Variants in CDH2 observed in about 807,000 individuals in gnomAD.
CDH2 encodes cadherin-2.
A neutral mutation model predicts 92.0 loss-of-function variants in CDH2; 17 were observed. The ratio of observed to expected loss-of-function variants is 0.18; its 90% CI spans 0.13 to 0.28. The LOEUF is 0.28. CDH2 is among the 10% of genes least tolerant of loss of function. CDH2 has a pLI of 1.00. For missense variants in CDH2, 862 were observed against 1,133.1 expected (o/e 0.76, Z 3.44); for synonymous variants, 419 against 415.9 (o/e 1.01, Z -0.09).
At chr18:28,115,876 C>A (rs1228774926) in intron 2 of CDH2, among the ~76,000 whole-genome samples, 1 of 152,094 alleles carries the variant, frequency 6.6e-6, no homozygotes, top group African/African-American at 2.4e-5. Context: ...GAAGTTTTTA[C>A]ACTGCATTTT....
chr18:28,162,640 G>A (rs1300639834), intron 1 of CDH2, among the ~76,000 whole-genome samples: 1 of 152,156 alleles, frequency 6.6e-6, no homozygotes, highest in Non-Finnish European at 1.5e-5. Context: ...TCCTCCTTTA[G>A]GCAACAATCC....
rs756228954 is a variant in CDH2 at position 28,151,477 on chromosome 18, A to T, written c.61-3693T>A. 7.4e-4 allele frequency among the ~76,000 whole-genome samples: 112 copies of T among 152,340 alleles called. 2 individuals carry two copies. Among genetic ancestry groups the T allele is most frequent in the East Asian group, 2.9e-3 (15 of 5,184 alleles). On this transcript the variant is annotated intron_variant, in intron 1 of 15. Coordinates refer to ENST00000269141, the MANE Select transcript of CDH2 (RefSeq NM_001792.5). ...AGTGCCAAGCTCAAAATGTCAACAG[A>T]GCCAAGGTTAAGAAAACCTGTTCTA...
intron 1 of CDH2, among the ~76,000 whole-genome samples, chr18:28,169,303 G>A (rs1443443491): frequency 6.6e-6 from 1 of 152,008 alleles, no homozygotes; most frequent in East Asian, 1.9e-4. Flanking sequence ...AAAACTAAAA[G>A]GGCAATCCTT....
intron 1 of CDH2, among the ~76,000 whole-genome samples, chr18:28,153,827 G>A (rs1250606456): frequency 1.3e-5 from 2 of 152,166 alleles, no homozygotes; most frequent in African/African-American, 4.8e-5. Context: ...TGTCATCACA[G>A]TACTAATACT....
chr18:28,023,014 T>C (rs1004760030), intron 2 of CDH2, among the ~76,000 whole-genome samples: 3 of 152,140 alleles, frequency 2.0e-5, no homozygotes, highest in Non-Finnish European at 2.9e-5. Context: ...ACACAATGTA[T>C]TTTTTTAATT....
chr18:28,147,238 T>C (rs770295064), intron 2 of CDH2, among the ~76,000 whole-genome samples: 10 of 152,092 alleles, frequency 6.6e-5, no homozygotes, highest in South Asian at 2.1e-4. Context: ...AATTCAGCTA[T>C]ATATTAAAGC....
chr18:28,042,400 G>A (rs767620744), intron 2 of CDH2, among the ~76,000 whole-genome samples: 3 of 152,048 alleles, frequency 2.0e-5, no homozygotes, highest in Admixed American at 6.5e-5. Flanking sequence ...TTTACAGAAT[G>A]GTATTATGGC....
At chr18:27,985,934 G>A (rs183152284) in intron 11 of CDH2, among the ~76,000 whole-genome samples, 173 bp from the exon 12 acceptor site, 6 of 152,068 alleles carry the variant, frequency 3.9e-5, no homozygotes. Flanking sequence ...GCCCCTTCTT[G>A]CTTCCCTGCT....
intron 2 of CDH2, among the ~76,000 whole-genome samples, chr18:28,070,445 C>A (rs536287687): frequency 2.7e-4 from 41 of 152,330 alleles, no homozygotes; most frequent in African/African-American, 9.6e-4. Context: ...GATTCCAAAT[C>A]AGATGCTCTC....
At chr18:28,129,750 G>A (rs1598495011) in intron 2 of CDH2, among the ~76,000 whole-genome samples, 2 of 152,142 alleles carry the variant, frequency 1.3e-5, no homozygotes, top group African/African-American at 2.4e-5. Flanking sequence ...GATCACTTGA[G>A]CTCAGGAGGC....
chr18:28,128,574 T>C (rs2015715015), intron 2 of CDH2, among the ~76,000 whole-genome samples: 1 of 151,750 alleles, frequency 6.6e-6, no homozygotes, highest in African/African-American at 2.4e-5. Flanking sequence ...TAGTCCCAGC[T>C]ACTTGGGAGG....
intron 2 of CDH2, among the ~76,000 whole-genome samples, chr18:28,032,730 G>GT (rs2013728297): frequency 6.6e-6 from 1 of 152,222 alleles, no homozygotes; most frequent in African/African-American, 2.4e-5. Context: ...GTCACAGAGT[G>GT]TAAGTTTCCT....
At chr18:28,007,060 T>G (rs545720022) in intron 5 of CDH2, among the ~76,000 whole-genome samples, 3 of 149,572 alleles carry the variant, frequency 2.0e-5, no homozygotes, top group Admixed American at 6.7e-5. Flanking sequence ...ACTCAGAGGC[T>G]GAGGCAGGAG....
intron 2 of CDH2, among the ~76,000 whole-genome samples, chr18:28,060,472 C>A (rs17535720): frequency 1.3e-5 from 2 of 152,216 alleles, no homozygotes; most frequent in African/African-American, 4.8e-5. Context: ...CAGGCATGAG[C>A]CACTGCGCCT....
intron 2 of CDH2, among the ~76,000 whole-genome samples, chr18:28,074,255 A>G (rs183304385): frequency 3.3e-5 from 5 of 152,330 alleles, no homozygotes; most frequent in Admixed American, 3.3e-4. Flanking sequence ...GCTAGTTTGA[A>G]TAAGGAAAGC....
At position 27,993,633 on chromosome 18, in the gene CDH2, A is replaced by G. The variant is rs773126408; in HGVS notation, c.1025T>C (p.Val342Ala). The G allele has an allele frequency of 2.5e-6, 4 of 1,608,240 alleles. No homozygotes were observed. Among genetic ancestry groups the G allele is most frequent in the African/African-American group, 2.7e-5 (2 of 74,850 alleles). ...TTGAATTATTAACGTATACTGTTGCACTTTCTAAAAAGACATAAAGATAAG... is the reference window on the plus strand; with the variant it reads ...TTGAATTATTAACGTATACTGTTGCGCTTTCTAAAAAGACATAAAGATAAG... The part of the protein sequence containing the change: ...TVAAGLDREK[V>A]QQYTLIIQAT... The change falls in exon 8 of 16, where the codon GTG becomes GCG. Residue 342 changes from valine (V) to alanine (A), a missense_variant. Physicochemically the swap from Val to Ala is moderately conservative, Grantham distance 64. Around this residue, in one of 5 missense-constraint regions of CDH2, gnomAD observed 564 missense variants for 722.2 expected, o/e 0.78. Transcript: ENST00000269141.
intron 14 of CDH2, among the ~76,000 whole-genome samples, chr18:27,968,065 C>T (rs932757441): frequency 2.6e-5 from 4 of 152,160 alleles, no homozygotes; most frequent in African/African-American, 4.8e-5. Flanking sequence ...CTACTGGGTG[C>T]CAGATGCCAT....
At chr18:28,038,292 G>T (rs955020828) in intron 2 of CDH2, among the ~76,000 whole-genome samples, 3 of 151,918 alleles carry the variant, frequency 2.0e-5, no homozygotes, top group Non-Finnish European at 4.4e-5. Flanking sequence ...GCATGGTGGC[G>T]CACACCTGTA....
At chr18:27,973,243 TG>T (rs2011717697) in intron 14 of CDH2, among the ~76,000 whole-genome samples, 1 of 151,932 alleles carries the variant, frequency 6.6e-6, no homozygotes, top group Non-Finnish European at 1.5e-5. Context: ...TCAACTTCAT[TG>T]AAAAAAAGTC....
Sources: gnomAD v4.1 joint callset for allele counts (sites outside exome capture counted in the v4.1 genomes callset) on GRCh38, gnomAD v4.1.1 for gene constraint, gnomAD v4.1.1 regional missense constraint, MANE v1.5 for transcripts, NCBI Gene and HGNC (gene_info 2026-07-23, HGNC 2026-07-21) for gene names.